Variants in OTOG observed in about 807,000 individuals in gnomAD.
The protein encoded by OTOG is otogelin.
Under a neutral mutation model 313.8 loss-of-function variants are expected in OTOG, and 296 were observed. The observed-to-expected ratio is 0.94, with a 90% CI of 0.86 to 1.04. OTOG has a LOEUF of 1.04. Ranked by LOEUF, OTOG falls within the 50% of genes least tolerant of loss-of-function variation. The pLI is 0.00. For synonymous variants in OTOG, 1,533 were observed against 1,554.9 expected (o/e 0.99, Z 0.33); for missense variants, 3,948 against 3,840.1 (o/e 1.03, Z -0.74).
Position 17,645,726 on chromosome 11 carries a change from C to A in OTOG, c.8542-18C>A, listed in dbSNP as rs1209921657. 6.4e-7 allele frequency: 1 copy of A among 1,550,746 alleles called. No homozygotes were observed. The highest frequency in any genetic ancestry group is 8.7e-7 in the Non-Finnish European group (1 of 1,147,062). On this transcript the variant is annotated intron_variant, in intron 55 of 55. Coordinates refer to ENST00000399397, the MANE Select transcript of OTOG (RefSeq NM_001292063.2). ...GGTGTGAGCACCACAGACTGCCTCA[C>A]TGGCCTGCCCGTTCCAGGTGAACCT...
Position 17,569,186 on chromosome 11 carries a change from T to C in OTOG, c.1675T>C (p.Ser559Pro). 3.2e-6 allele frequency: 5 copies of C among 1,550,650 alleles called. No homozygotes were observed. The highest frequency in any genetic ancestry group is 4.4e-6 in the Non-Finnish European group (5 of 1,147,014). ...AGATGGAGCCTGTGTCCAGTCAGTG[T>C]CAGTGATTCTGCACCAGGACCCTCG... ...NQDGACVQSVSVILHQDPRRQ... is the reference protein window; with the variant it reads ...NQDGACVQSVPVILHQDPRRQ... Residue 559 changes from serine (S) to proline (P), a missense_variant, in exon 16 of 56, where the codon TCA becomes CCA. Ser to Pro is a moderately conservative substitution (Grantham distance 74, BLOSUM62 -1). Transcript: ENST00000399397.
At chr11:17,572,038 C>T (rs1490448422) in intron 17 of OTOG, 42 bp from the exon 18 acceptor site, 2 of 1,549,220 alleles carry the variant, frequency 1.3e-6, no homozygotes, top group South Asian at 2.4e-5. Context: ...CCCCTGAGTC[C>T]ACAGGGGCAA....
At chr11:17,617,830 C>A (rs1229434342) in intron 39 of OTOG, among the ~76,000 whole-genome samples, 2 of 151,738 alleles carry the variant, frequency 1.3e-5, no homozygotes, top group Admixed American at 1.3e-4. Flanking sequence ...CTTTCTTCTG[C>A]TTACTTTAGG....
rs1295675958 is a variant in OTOG, at chr11:17,642,108, C to A, written c.8296-19C>A. ...TCCATCTGGCCACAGCTCCCATTAC[C>A]TACTTCTGTGCCCTCCAGCCCGGGG... On this transcript the variant is annotated intron_variant, in intron 52 of 55. Transcript: ENST00000399397. 1.3e-6 allele frequency: 2 copies of A among 1,533,812 alleles called. No homozygotes were observed. The highest frequency in any genetic ancestry group is 2.5e-5 in the East Asian group (1 of 40,718).
intron 15 of OTOG, among the ~76,000 whole-genome samples, chr11:17,568,020 G>A (rs1001767729): frequency 3.9e-5 from 6 of 152,048 alleles, no homozygotes; most frequent in Admixed American, 3.3e-4. Flanking sequence ...CCATTCTCCT[G>A]CCTCAGCCTC....
intron 24 of OTOG, among the ~76,000 whole-genome samples, chr11:17,589,899 T>A (rs901356861): frequency 1.3e-5 from 2 of 152,154 alleles, no homozygotes; most frequent in Non-Finnish European, 2.9e-5. Context: ...TTTCCATTAT[T>A]CCCTCCTTCT....
rs1853012918 is a variant in OTOG, at chr11:17,593,715, C to T, written c.3247C>T (p.Gln1083Ter). ...PQEHITLLWD[Q>*]RTTVHVQAGP... The stretch of plus-strand genomic sequence containing the variant: ...GGAGCACATCACCCTCTTGTGGGAC[C>T]AGAGAACCACAGTGCACGTCCAGGC... Residue 1083 changes from glutamine to a stop codon, truncating the protein, a stop_gained, in exon 27 of 56, where the codon CAG (glutamine) becomes TAG (stop). Transcript: ENST00000399397. LOFTEE classifies it high-confidence loss of function. The T allele has an allele frequency of 1.3e-6, 2 of 1,548,808 alleles. No homozygotes were observed. The highest frequency in any genetic ancestry group is 1.4e-5 in the African/African-American group (1 of 73,106).
rs1454788588 is a variant in OTOG at position 17,635,757 on chromosome 11, C to T, written c.7795+46C>T. On this transcript the variant is annotated intron_variant, in intron 47 of 55. Transcript: ENST00000399397. ...TGGCGGGCTGCGGCAGGAAGGGGCCCTTCACAGAGTTCCCACCCCGGACCA... is the reference window on the plus strand; with the variant it reads ...TGGCGGGCTGCGGCAGGAAGGGGCCTTTCACAGAGTTCCCACCCCGGACCA... 5 of 1,471,286 alleles carry T rather than the reference C, an allele frequency of 3.4e-6. No individual in the cohort carries two copies. The Admixed American group carries it at 5.9e-5, about 17-fold the overall frequency. The allele number at this position is 1,471,286 out of a possible 1,614,324, so 91.1% of individuals were successfully genotyped here.
rs1473694994 is a variant in OTOG at position 17,610,017 on chromosome 11, G to A, written c.4717G>A (p.Ala1573Thr). Reference protein sequence around the residue: ...HTPESSSLPVALQTPTPGMVS... With the variant: ...HTPESSSLPVTLQTPTPGMVS... Reference sequence around the variant, plus strand: ...ACCAGAGTCCTCATCCCTCCCTGTTGCACTGCAGACACCCACACCTGGCAT... The same window carrying A: ...ACCAGAGTCCTCATCCCTCCCTGTTACACTGCAGACACCCACACCTGGCAT... The change falls in exon 36 of 56, where the codon GCA becomes ACA. Residue 1573 changes from alanine to threonine, a missense_variant. Coordinates refer to ENST00000399397, the MANE Select transcript of OTOG (RefSeq NM_001292063.2). 4 of 1,546,944 alleles carry A rather than the reference G, an allele frequency of 2.6e-6. No individual in the cohort carries two copies. Among genetic ancestry groups the A allele is most frequent in the East Asian group, 2.5e-5 (1 of 40,808 alleles).
At position 17,593,635 on chromosome 11, in the gene OTOG, A is replaced by G. The variant is rs1398664751; in HGVS notation, c.3167A>G (p.Lys1056Arg). 6.5e-7 allele frequency: 1 copy of G among 1,549,060 alleles called. No individual in the cohort carries two copies. The highest frequency in any genetic ancestry group is 2.0e-5 in the Admixed American group (1 of 51,006). Residue 1056 changes from lysine (K) to arginine (R), a missense_variant, in exon 27 of 56, where the codon AAG becomes AGG. Physicochemically the swap from Lys to Arg is conservative, Grantham distance 26 (BLOSUM62 2). Transcript: ENST00000399397. Reference sequence around the variant, plus strand: ...AGTCCAGAGAGCTTCCTGGATGACAAGCAGGAGGTCCACACATGGCGAGTG... The same window carrying G: ...AGTCCAGAGAGCTTCCTGGATGACAGGCAGGAGGTCCACACATGGCGAGTG... ...NPSPESFLDD[K>R]QEVHTWRVGF...
At chr11:17,576,843 C>T (rs911808518) in intron 21 of OTOG, 25 bp from the exon 22 acceptor site, 6 of 1,549,942 alleles carry the variant, frequency 3.9e-6, no homozygotes, top group South Asian at 1.2e-5. Context: ...GGTCGGCTAA[C>T]CCCAGGGCCC....
chr11:17,624,193 A>G (rs755027551), intron 39 of OTOG, among the ~76,000 whole-genome samples: 1 of 151,920 alleles, frequency 6.6e-6, no homozygotes, highest in Non-Finnish European at 1.5e-5. Flanking sequence ...TTTTGTTGCA[A>G]TTTCTTTTGG....
At chr11:17,554,432 G>A (rs541602945) in intron 6 of OTOG, among the ~76,000 whole-genome samples, 12 of 152,332 alleles carry the variant, frequency 7.9e-5, no homozygotes, top group African/African-American at 2.6e-4. Context: ...ATGCAGGCCT[G>A]ATTTTCATGC....
At chr11:17,578,215 TGA>T in intron 22 of OTOG, 156 bp from the exon 23 acceptor site, 1 of 1,382,318 alleles carries the variant, frequency 7.2e-7, no homozygotes, top group Non-Finnish European at 9.3e-7. Context: ...CCTCCCTCTG[TGA>T]GGCGTATCTG....
intron 42 of OTOG, among the ~76,000 whole-genome samples, chr11:17,633,102 T>C (rs1854170152): frequency 6.6e-6 from 1 of 152,198 alleles, no homozygotes; most frequent in South Asian, 2.1e-4. Context: ...AACTTGAAAA[T>C]GCATGGGCCC....
intron 27 of OTOG, 89 bp from the exon 28 acceptor site, chr11:17,593,955 TATG>T (rs1425604754): frequency 6.7e-7 from 1 of 1,503,534 alleles, no homozygotes; most frequent in Non-Finnish European, 9.0e-7. Context: ...CTTCTAGGTC[TATG>T]ATAGACTCCT....
rs1852353035 is a variant in OTOG, at chr11:17,569,157, A to C, written c.1646A>C (p.Asn549Thr). The C allele has an allele frequency of 1.9e-6, 3 of 1,550,492 alleles. No individual in the cohort carries two copies. Among genetic ancestry groups the C allele is most frequent in the Non-Finnish European group, 2.6e-6 (3 of 1,147,022 alleles). ...CCATTGACCTTTCTATCTCTCCAGA[A>C]CCAAGATGGAGCCTGTGTCCAGTCA... ...VTLQNAPCGL[N>T]QDGACVQSVS... Residue 549 changes from asparagine to threonine, a missense_variant and splice_region_variant, in exon 16 of 56, where the codon AAC (asparagine) becomes ACC (threonine). Asn to Thr is a moderately conservative substitution (Grantham distance 65, BLOSUM62 0). Transcript: ENST00000399397.
chr11:17,644,106 C>T (rs969793816), intron 54 of OTOG, among the ~76,000 whole-genome samples: 5 of 152,392 alleles, frequency 3.3e-5, no homozygotes, highest in African/African-American at 9.6e-5. Flanking sequence ...CCACGTCTGG[C>T]ACAGGCTATT....
chr11:17,556,931 A>G (rs982819553), intron 7 of OTOG, among the ~76,000 whole-genome samples, 187 bp from the exon 8 acceptor site: 11 of 152,218 alleles, frequency 7.2e-5, no homozygotes, highest in African/African-American at 2.7e-4. Context: ...CGTCTTAAAA[A>G]ATTTCTAAAG....
Sources: gnomAD v4.1 joint callset for allele counts (sites outside exome capture counted in the v4.1 genomes callset) on GRCh38, gnomAD v4.1.1 for gene constraint, MANE v1.5 for transcripts, NCBI Gene and HGNC (gene_info 2026-07-23, HGNC 2026-07-21) for gene names.